Variants in SAMMSON observed in about 807,000 individuals in gnomAD.
SAMMSON encodes the protein long intergenic non-protein coding RNA 1212.
intron 6 of SAMMSON, among the ~76,000 whole-genome samples, chr3:70,279,696 A>G (rs1032694272): frequency 6.6e-6 from 1 of 152,102 alleles, no homozygotes. Flanking sequence ...ATGCAAACAC[A>G]CACCCTGGGG....
At chr3:70,196,753 A>T (rs553800919) in intron 4 of SAMMSON, 5 of 393,974 alleles carry the variant, frequency 1.3e-5, no homozygotes, top group African/African-American at 8.2e-5. Flanking sequence ...ATTTGGAATA[A>T]GACCATTGAG....
chr3:70,145,530 A>AC (rs2067544982), intron 4 of SAMMSON, among the ~76,000 whole-genome samples: 2 of 152,260 alleles, frequency 1.3e-5, no homozygotes, highest in Admixed American at 1.3e-4. Flanking sequence ...AAAACCAGAA[A>AC]CCAATAAGAG....
intron 4 of SAMMSON, among the ~76,000 whole-genome samples, chr3:70,179,754 A>G (rs1701036331): frequency 6.6e-6 from 1 of 152,092 alleles, no homozygotes; most frequent in South Asian, 2.1e-4. Context: ...GGACATTGGA[A>G]TATCCTCTGT....
intron 4 of SAMMSON, chr3:70,206,828 T>A: frequency 2.5e-6 from 1 of 397,138 alleles, no homozygotes; most frequent in Non-Finnish European, 4.4e-6. Flanking sequence ...AGAAACCCAC[T>A]ATGGTTTACG....
intron 4 of SAMMSON, among the ~76,000 whole-genome samples, chr3:70,202,140 A>T (rs1701246165): frequency 6.6e-6 from 1 of 152,036 alleles, no homozygotes; most frequent in South Asian, 2.1e-4. Flanking sequence ...TCTGATAGTG[A>T]TTGGTGACTG....
At chr3:70,239,963 T>G (rs1269550908) in intron 4 of SAMMSON, among the ~76,000 whole-genome samples, 1 of 152,064 alleles carries the variant, frequency 6.6e-6, no homozygotes, top group Non-Finnish European at 1.5e-5. Context: ...CTGACCAAAG[T>G]AGTAAGCTTT....
At chr3:70,292,740 CAT>C (rs1198585905) in intron 7 of SAMMSON, among the ~76,000 whole-genome samples, 1 of 151,964 alleles carries the variant, frequency 6.6e-6, no homozygotes, top group Non-Finnish European at 1.5e-5. Context: ...CACACACACA[CAT>C]GCACACACAC....
intron 4 of SAMMSON, among the ~76,000 whole-genome samples, chr3:70,159,178 A>AT (rs527379593): frequency 2.8e-4 from 43 of 151,116 alleles, no homozygotes; most frequent in Non-Finnish European, 4.1e-4. Flanking sequence ...TTACTTAGTG[A>AT]TTTTTTTTTG....
intron 3 of SAMMSON, among the ~76,000 whole-genome samples, chr3:70,053,299 G>A (rs968286076): frequency 3.3e-5 from 5 of 152,138 alleles, no homozygotes; most frequent in African/African-American, 1.2e-4. Flanking sequence ...TCACTGATAG[G>A]GAGCCTGTAG....
chr3:70,164,636 C>A (rs2067629484), intron 4 of SAMMSON, among the ~76,000 whole-genome samples: 1 of 151,950 alleles, frequency 6.6e-6, no homozygotes, highest in African/African-American at 2.4e-5. Context: ...AGCTCCATAG[C>A]CAGACCATCT....
intron 4 of SAMMSON, among the ~76,000 whole-genome samples, chr3:70,119,515 C>T (rs2067424556): frequency 1.3e-5 from 2 of 152,110 alleles, no homozygotes; most frequent in South Asian, 4.1e-4. Flanking sequence ...AAAACATGTA[C>T]ATTACCTCAA....
At chr3:70,362,833 G>A (rs1453294866) in intron 9 of SAMMSON, among the ~76,000 whole-genome samples, 1 of 141,844 alleles carries the variant, frequency 7.1e-6, no homozygotes, top group East Asian at 2.0e-4. Flanking sequence ...TCCAGTGGCT[G>A]CTTCAGTAAC....
intron 4 of SAMMSON, among the ~76,000 whole-genome samples, chr3:70,155,014 TG>T (rs1265929146): frequency 4.0e-5 from 6 of 151,800 alleles, no homozygotes; most frequent in Non-Finnish European, 2.9e-5. Flanking sequence ...TAACATTTCA[TG>T]TTTTTTTTTT....
chr3:70,024,024 GT>G (rs11294172), intron 3 of SAMMSON, among the ~76,000 whole-genome samples: 70,061 of 151,778 alleles, frequency 0.46, 17,338 homozygotes, highest in African/African-American at 0.63. Flanking sequence ...CCTAATCATG[GT>G]TACCCAAACT....
intron 4 of SAMMSON, among the ~76,000 whole-genome samples, chr3:70,122,053 A>G (rs1314650553): frequency 6.6e-6 from 1 of 152,166 alleles, no homozygotes. Flanking sequence ...TTATCCTATT[A>G]TACTGTTTGT....
intron 9 of SAMMSON, among the ~76,000 whole-genome samples, chr3:70,361,564 G>A (rs961099357): frequency 6.6e-6 from 1 of 152,130 alleles, no homozygotes; most frequent in Non-Finnish European, 1.5e-5. Flanking sequence ...GCATGAGCCC[G>A]GATCCATATT....
chr3:70,395,585 C>G (rs1372530461), intron 2 of SAMMSON, among the ~76,000 whole-genome samples: 6 of 152,068 alleles, frequency 3.9e-5, no homozygotes, highest in African/African-American at 9.7e-5. Context: ...TTTACAAAAT[C>G]TACTCAGAAA....
At chr3:70,253,717 C>G (rs971100930) in intron 6 of SAMMSON, among the ~76,000 whole-genome samples, 1 of 151,854 alleles carries the variant, frequency 6.6e-6, no homozygotes, top group East Asian at 1.9e-4. Flanking sequence ...TGCAAAACCC[C>G]AACTCTAAAA....
chr3:70,191,885 T>TAAA (rs11407511), intron 4 of SAMMSON, among the ~76,000 whole-genome samples: 5 of 134,950 alleles, frequency 3.7e-5, no homozygotes, highest in South Asian at 2.4e-4. Flanking sequence ...ACTCTTTCCC[T>TAAA]AAAAAAAAAA....
Sources: gnomAD v4.1 joint callset for allele counts (sites outside exome capture counted in the v4.1 genomes callset) on GRCh38, gnomAD v4.1.1 for gene constraint, MANE v1.5 for transcripts, NCBI Gene and HGNC (gene_info 2026-07-23, HGNC 2026-07-21) for gene names.